The following PPP3CA variants were observed in gnomAD, a reference collection of about 807,000 sequenced individuals.
PPP3CA encodes the protein protein phosphatase 3 catalytic subunit alpha.
In PPP3CA, 14 loss-of-function variants were observed where a neutral mutation model predicts 66.5. The ratio of observed to expected loss-of-function variants is 0.21; its 90% CI spans 0.14 to 0.33. The LOEUF (loss-of-function observed/expected upper bound fraction) is 0.33. Among genes scored for constraint, PPP3CA ranks in the 10% least tolerant of loss-of-function variants. The probability of loss-of-function intolerance (pLI) is 1.00; values close to 1 mark genes in which losing one functional copy is unlikely to be tolerated. For missense variants in PPP3CA, 317 were observed against 639.5 expected (o/e 0.50, Z 5.44); for synonymous variants, 232 against 226.2 (o/e 1.03, Z -0.23).
intron 2 of PPP3CA, among the ~76,000 whole-genome samples, chr4:101,178,700 T>A (rs944633417): frequency 3.2e-4 from 48 of 152,112 alleles, no homozygotes; most frequent in African/African-American, 1.1e-3. Flanking sequence ...TCTATTCCCA[T>A]CATAATTTTA....
chr4:101,134,862 A>T (rs1431681754), intron 2 of PPP3CA, among the ~76,000 whole-genome samples: 1 of 152,224 alleles, frequency 6.6e-6, no homozygotes. Flanking sequence ...GGATAAAGAA[A>T]ATGTGGCACA....
At chr4:101,345,360 T>C (rs973393481) in intron 1 of PPP3CA, among the ~76,000 whole-genome samples, 5 of 152,226 alleles carry the variant, frequency 3.3e-5, no homozygotes, top group Non-Finnish European at 7.3e-5. Context: ...ATCATGGTCT[T>C]TGGGCTGCTG....
chr4:101,187,565 G>T (rs895497257), intron 2 of PPP3CA, among the ~76,000 whole-genome samples: 2 of 152,114 alleles, frequency 1.3e-5, no homozygotes, highest in Non-Finnish European at 2.9e-5. Context: ...AGAAGGCAAA[G>T]CAGTGGTTGA....
At chr4:101,066,687 GA>G (rs201363798) in intron 8 of PPP3CA, among the ~76,000 whole-genome samples, 7 of 150,542 alleles carry the variant, frequency 4.6e-5, no homozygotes, top group South Asian at 4.2e-4. Flanking sequence ...AAATACATGA[GA>G]AAAAAAAACT....
intron 1 of PPP3CA, among the ~76,000 whole-genome samples, chr4:101,237,231 C>T (rs1726158811): frequency 6.6e-6 from 1 of 151,388 alleles, no homozygotes; most frequent in Non-Finnish European, 1.5e-5. Flanking sequence ...ATCATAGCTG[C>T]AATTGTGATT....
At chr4:101,167,483 TG>T (rs1384895629) in intron 2 of PPP3CA, among the ~76,000 whole-genome samples, 1 of 152,108 alleles carries the variant, frequency 6.6e-6, no homozygotes, top group Non-Finnish European at 1.5e-5. Flanking sequence ...TTTTAGACAC[TG>T]GGAATAGGGC....
chr4:101,176,975 A>C (rs981865005), intron 2 of PPP3CA, among the ~76,000 whole-genome samples: 1 of 152,186 alleles, frequency 6.6e-6, no homozygotes, highest in Admixed American at 6.6e-5. Flanking sequence ...TATTCATATG[A>C]GAAGAATATA....
intron 2 of PPP3CA, among the ~76,000 whole-genome samples, chr4:101,150,653 G>C (rs1458888215): frequency 6.6e-6 from 1 of 152,072 alleles, no homozygotes; most frequent in Non-Finnish European, 1.5e-5. Context: ...TAACTGAAAT[G>C]AAAACATTGC....
chr4:101,041,229 T>C (rs926717342), intron 10 of PPP3CA, among the ~76,000 whole-genome samples: 3 of 152,156 alleles, frequency 2.0e-5, no homozygotes, highest in African/African-American at 7.2e-5. Flanking sequence ...TTGAAAGTTA[T>C]GCATGGTTTT....
chr4:101,324,182 A>AAGGAAGGG (rs1729136661), intron 1 of PPP3CA, among the ~76,000 whole-genome samples: 1 of 134,938 alleles, frequency 7.4e-6, no homozygotes. Flanking sequence ...GGAAGGAAGG[A>AAGGAAGGG]AGGAAGGAAG....
At chr4:101,212,034 G>A (rs918804413) in intron 1 of PPP3CA, among the ~76,000 whole-genome samples, 2 of 152,134 alleles carry the variant, frequency 1.3e-5, no homozygotes, top group Non-Finnish European at 2.9e-5. Flanking sequence ...TTGCAAAAGT[G>A]CTTTGTGCAA....
Position 101,333,270 on chromosome 4 carries a change from G to GTTTTTTTTTTTTTTTT in PPP3CA, c.58+13453_58+13468dup, listed in dbSNP as rs70961788. 1.7e-4 allele frequency among the ~76,000 whole-genome samples: 8 copies of GTTTTTTTTTTTTTTTT among 47,270 alleles called. 1 individual carries two copies. Among genetic ancestry groups the GTTTTTTTTTTTTTTTT allele is most frequent in the Admixed American group, 4.0e-4 (2 of 4,940 alleles). The allele number at this position is 47,270 out of a possible 152,430, so 31.0% of individuals were successfully genotyped here. A position where few individuals can be genotyped will look rare whatever the true frequency, so the allele number is the denominator to read the frequency against. On this transcript the variant is annotated intron_variant, in intron 1 of 13. Coordinates refer to ENST00000394854, the MANE Select transcript of PPP3CA (RefSeq NM_000944.5). ...CTACAGGCATGCACTACCATGCCCAGTTTTTTTTTTTTTTTTTTTTTTTTT... is the reference window on the plus strand; with the variant it reads ...CTACAGGCATGCACTACCATGCCCAGTTTTTTTTTTTTTTTTTTTTTTTTTTTTTTTTTTTTTTTTT...
intron 1 of PPP3CA, among the ~76,000 whole-genome samples, chr4:101,242,204 GGTTT>G (rs3840159): frequency 0.67 from 101,230 of 151,314 alleles, 34,722 homozygotes; most frequent in Middle Eastern, 0.76. Flanking sequence ...GCTCATTAAT[GGTTT>G]ATTTACTAAT....
chr4:101,196,306 A>G (rs1724790129), intron 1 of PPP3CA, among the ~76,000 whole-genome samples, 190 bp from the exon 2 acceptor site: 1 of 152,212 alleles, frequency 6.6e-6, no homozygotes, highest in African/African-American at 2.4e-5. Flanking sequence ...TTCTAGATAT[A>G]ATGTGATTGC....
chr4:101,189,672 TATG>T (rs1406600354), intron 2 of PPP3CA, among the ~76,000 whole-genome samples: 2 of 136,514 alleles, frequency 1.5e-5, no homozygotes, highest in Non-Finnish European at 3.0e-5. Context: ...GTACAGTGTT[TATG>T]ATAGTGAACG....
At chr4:101,191,224 T>G (rs543930295) in intron 2 of PPP3CA, among the ~76,000 whole-genome samples, 6 of 152,236 alleles carry the variant, frequency 3.9e-5, no homozygotes, top group Non-Finnish European at 2.9e-5. Context: ...AATCTGTATT[T>G]TGTGAAGCCC....
intron 1 of PPP3CA, among the ~76,000 whole-genome samples, chr4:101,246,323 G>A (rs1460759612): frequency 6.6e-6 from 1 of 152,172 alleles, no homozygotes; most frequent in Non-Finnish European, 1.5e-5. Flanking sequence ...TGTTTTAAGA[G>A]AGGAAGGGGC....
At chr4:101,093,445 T>C (rs556680884) in intron 6 of PPP3CA, among the ~76,000 whole-genome samples, 14 of 151,946 alleles carry the variant, frequency 9.2e-5, no homozygotes, top group Non-Finnish European at 1.3e-4. Context: ...GTACACTTAA[T>C]AGACTACAGT....
chr4:101,203,390 G>A (rs977544078), intron 1 of PPP3CA, among the ~76,000 whole-genome samples: 18 of 152,046 alleles, frequency 1.2e-4, no homozygotes, highest in African/African-American at 2.7e-4. Flanking sequence ...AGCTACTCAG[G>A]AGGCTAAGGC....
Sources: allele counts gnomAD v4.1 joint callset (sites outside exome capture counted in the v4.1 genomes callset), GRCh38; gene constraint gnomAD v4.1.1; transcripts MANE v1.5; gene names NCBI Gene and HGNC (gene_info 2026-07-23, HGNC 2026-07-21).